The following PSMA6 variants were observed in gnomAD, a reference collection of about 807,000 sequenced individuals.
The protein encoded by PSMA6 is proteasome subunit alpha type-6.
For synonymous variants in PSMA6, 88 were observed against 97.7 expected (o/e 0.90, Z 0.59); for missense variants, 170 against 294.8 (o/e 0.58, Z 3.10).
chr14:35,285,083 T>C (rs867615086), intron 1 of PSMA6, among the ~76,000 whole-genome samples: 1 of 152,136 alleles, frequency 6.6e-6, no homozygotes, highest in Non-Finnish European at 1.5e-5. Flanking sequence ...TCAGGTGCGA[T>C]GACTGTAATC....
intron 5 of PSMA6, 170 bp downstream of exon 5, chr14:35,313,229 A>T: frequency 1.8e-6 from 1 of 565,246 alleles, no homozygotes; most frequent in South Asian, 3.0e-5. Context: ...AGTTGCTTTT[A>T]TTCACTTAAT....
chr14:35,303,845 A>G (rs1375310867), intron 1 of PSMA6, among the ~76,000 whole-genome samples: 1 of 152,144 alleles, frequency 6.6e-6, no homozygotes, highest in Non-Finnish European at 1.5e-5. Flanking sequence ...ACAATGTAGT[A>G]TAACAACTAT....
At chr14:35,291,667 T>C (rs1594376070), upstream of PSMA6, among the ~76,000 whole-genome samples, 1 of 151,616 alleles carries the variant, frequency 6.6e-6, no homozygotes, top group East Asian at 2.0e-4. Flanking sequence ...CTACTAAAAA[T>C]ACAAAATTAG....
At chr14:35,300,171 T>C (rs2051683901) in intron 1 of PSMA6, among the ~76,000 whole-genome samples, 1 of 151,778 alleles carries the variant, frequency 6.6e-6, no homozygotes, top group Admixed American at 6.6e-5. Context: ...GAGAGTTGAG[T>C]GTAGAAATGG....
rs758651038 is a variant in PSMA6 at position 35,285,339 on chromosome 14, C to CAAAAAAAAAAAAAAAAAAAAA, written c.19+6629_19+6630insAAAAAAAAAAAAAAAAAAAAA. Reference sequence around the variant, plus strand: ...AGAGTGACAGAGCAAAACTCTATCTCAAAAAAAACAAAAAACAAAAAAAAA... The same window carrying CAAAAAAAAAAAAAAAAAAAAA: ...AGAGTGACAGAGCAAAACTCTATCTCAAAAAAAAAAAAAAAAAAAAAAAAAAAAACAAAAAACAAAAAAAAA... On this transcript the variant is annotated intron_variant, in intron 1 of 6. Transcript: ENST00000540871. Among the ~76,000 whole-genome samples, 2 of 54,564 alleles carry CAAAAAAAAAAAAAAAAAAAAA rather than the reference C, an allele frequency of 3.7e-5. 1 individual carries two copies. The highest frequency in any genetic ancestry group is 9.6e-5 in the African/African-American group (2 of 20,828). 35.8% of individuals were successfully genotyped at this position (54,564 alleles called of 152,430 possible). A position where few individuals can be genotyped will look rare whatever the true frequency, so the allele number is the denominator to read the frequency against.
At chr14:35,307,922 A>C in intron 1 of PSMA6, 72 bp from the exon 2 acceptor site, 1 of 1,412,736 alleles carries the variant, frequency 7.1e-7, no homozygotes, top group Non-Finnish European at 9.9e-7. Flanking sequence ...CATTCTTTTT[A>C]ATGACTATTA....
At chr14:35,292,236 G>T, upstream of PSMA6, 2 of 1,244,040 alleles carry the variant, frequency 1.6e-6, no homozygotes, top group Non-Finnish European at 2.1e-6. Flanking sequence ...CAAGAGGCCT[G>T]CTTGGCGCAG....
At chr14:35,315,693 A>G (rs2138762200) in intron 6 of PSMA6, 1 of 148,010 alleles carries the variant, frequency 6.8e-6, no homozygotes, top group East Asian at 1.9e-4. Flanking sequence ...TTGCTTTTGA[A>G]AAAGGTGCCT....
At chr14:35,301,927 TAACA>T (rs2051721318) in intron 1 of PSMA6, among the ~76,000 whole-genome samples, 1 of 152,076 alleles carries the variant, frequency 6.6e-6, no homozygotes, top group African/African-American at 2.4e-5. Context: ...GAGTGAAAGA[TAACA>T]GGAAATGGTG....
intron 5 of PSMA6, chr14:35,313,326 T>C (rs187095980): frequency 6.8e-5 from 21 of 306,902 alleles, no homozygotes; most frequent in African/African-American, 3.8e-4. Flanking sequence ...CAGCTGGGCA[T>C]GGTGGCACAC....
chr14:35,310,089 G>A, intron 3 of PSMA6: 1 of 365,800 alleles, frequency 2.7e-6, no homozygotes, highest in Non-Finnish European at 5.3e-6. Context: ...GAGCTATGAT[G>A]GCTCACTGGG....
upstream of PSMA6, chr14:35,278,572 C>G (rs1432805640): frequency 1.2e-6 from 1 of 851,954 alleles, no homozygotes; most frequent in Middle Eastern, 2.3e-4. Context: ...TGTCAGTATC[C>G]AATAGGATGC....
In PSMA6 at chr14:35,308,156, TCA is replaced by T. The variant is rs1035084506; in HGVS notation, c.171+72_171+73del. The T allele has an allele frequency of 2.9e-5, 46 of 1,574,134 alleles. No individual in the cohort carries two copies. The African/African-American group carries it at 6.0e-4, about 21-fold the overall frequency. ...GAATTTTTCAGCCAAGTGCAGTGGC[TCA>T]CACCTGTAATCCCAGCACTTTGGGA... On this transcript the variant is annotated intron_variant, in intron 2 of 6. Transcript: ENST00000261479.
rs35606504 is a variant in PSMA6 at position 35,312,199 on chromosome 14, T to TA, written c.410-661dup. ...TGGGCAACAGCGAGTCCTCGTCTCC[T>TA]AAAAAAAAAAAAAAAAAAAAAGGTT... On this transcript the variant is annotated intron_variant, in intron 4 of 6. Coordinates refer to ENST00000261479, the MANE Select transcript of PSMA6 (RefSeq NM_002791.3). 3.2e-3 allele frequency among the ~76,000 whole-genome samples: 315 copies of TA among 97,388 alleles called. 3 individuals carry two copies. The highest frequency in any genetic ancestry group is 0.011 in the Middle Eastern group (2 of 180). The allele number at this position is 97,388 out of a possible 152,430, so 63.9% of individuals were successfully genotyped here. A position where few individuals can be genotyped will look rare whatever the true frequency, so the allele number is the denominator to read the frequency against.
Position 35,292,528 on chromosome 14 carries a change from C to G in PSMA6, c.52C>G (p.Pro18Ala). 4 of 1,613,736 alleles carry G rather than the reference C, an allele frequency of 2.5e-6. No homozygotes were observed. Among genetic ancestry groups the G allele is most frequent in the Non-Finnish European group, 3.4e-6 (4 of 1,179,714 alleles). Reference protein sequence around the residue: ...GFDRHITIFSPEGRLYQVEYA... With the variant: ...GFDRHITIFSAEGRLYQVEYA... ...TGACCGCCACATTACCATTTTTTCA[C>G]CCGAGGGTCGGCTCTACCAAGTAGG... The change falls in exon 1 of 7, where the codon CCC becomes GCC. Residue 18 changes from proline to alanine, a missense_variant. Physicochemically the swap from Pro to Ala is conservative, Grantham distance 27. Coordinates refer to ENST00000261479, the MANE Select transcript of PSMA6 (RefSeq NM_002791.3).
At chr14:35,304,002 TCGCTCTGTAGC>T (rs2051771782) in intron 1 of PSMA6, among the ~76,000 whole-genome samples, 2 of 151,904 alleles carry the variant, frequency 1.3e-5, no homozygotes, top group African/African-American at 4.8e-5. Flanking sequence ...AGACGGAGTC[TCGCTCTGTAGC>T]CCAGGCTGGA....
chr14:35,295,461 T>C (rs1266813629), intron 1 of PSMA6, among the ~76,000 whole-genome samples: 1 of 151,748 alleles, frequency 6.6e-6, no homozygotes, highest in African/African-American at 2.4e-5. Context: ...TTTTTTTTTT[T>C]TCCCTTTGAG....
At chr14:35,299,224 G>T (rs186184765) in intron 1 of PSMA6, among the ~76,000 whole-genome samples, 1 of 151,700 alleles carries the variant, frequency 6.6e-6, no homozygotes, top group East Asian at 1.9e-4. Context: ...TGACATCTTG[G>T]TGTTTCCCAG....
chr14:35,282,357 C>T (rs2051374567), intron 1 of PSMA6, among the ~76,000 whole-genome samples: 1 of 152,054 alleles, frequency 6.6e-6, no homozygotes, highest in South Asian at 2.1e-4. Flanking sequence ...GCCTCAGCCT[C>T]CTGAGTAGCT....
Sources: gnomAD v4.1 joint callset for allele counts (sites outside exome capture counted in the v4.1 genomes callset) on GRCh38, gnomAD v4.1.1 for gene constraint, MANE v1.5 for transcripts, NCBI Gene and HGNC (gene_info 2026-07-23, HGNC 2026-07-21) for gene names.